Variants in IQGAP3 observed in about 807,000 individuals in gnomAD.
The protein encoded by IQGAP3 is IQ motif containing GTPase activating protein 3, also known as ras GTPase-activating-like protein IQGAP3.
A neutral mutation model predicts 208.2 loss-of-function variants in IQGAP3; 165 were observed. The ratio of observed to expected loss-of-function variants is 0.79; its 90% CI spans 0.70 to 0.90. The LOEUF (loss-of-function observed/expected upper bound fraction) is 0.90, where lower values mean the gene tolerates loss of function less well. Ranked by LOEUF, IQGAP3 falls within the 40% of genes least tolerant of loss-of-function variation. IQGAP3 has a pLI of 0.00. For synonymous variants in IQGAP3, 703 were observed against 803.6 expected, an observed-to-expected ratio of 0.87 and a Z score of 2.12; for missense variants, 1,811 against 2,043.1, an observed-to-expected ratio of 0.89 and a Z score of 2.19.
Position 156,548,563 on chromosome 1 carries a change from T to A in IQGAP3, c.1993+18A>T. ...CTGGGGCAGGCAGCGAAGAGGAGGGTCAGGTTGGGGCCATTACCTGGACGC... is the reference window on the plus strand; with the variant it reads ...CTGGGGCAGGCAGCGAAGAGGAGGGACAGGTTGGGGCCATTACCTGGACGC... On this transcript the variant is annotated intron_variant, in intron 17 of 37. Coordinates refer to ENST00000361170, the MANE Select transcript of IQGAP3 (RefSeq NM_178229.5). 1 of 1,596,340 alleles carries A rather than the reference T, an allele frequency of 6.3e-7. No homozygotes were observed.
intron 18 of IQGAP3, 22 bp downstream of exon 18, chr1:156,548,326 C>A (rs562999653): frequency 6.2e-7 from 1 of 1,611,856 alleles, no homozygotes; most frequent in Non-Finnish European, 8.5e-7. Context: ...AGATCCCCTA[C>A]CCTTGCAGGG....
chr1:156,535,738 G>GC (rs2102370290), intron 27 of IQGAP3, among the ~76,000 whole-genome samples: 1 of 152,298 alleles, frequency 6.6e-6, no homozygotes, highest in South Asian at 2.1e-4. Flanking sequence ...TAGAGGTAGG[G>GC]CCCCAAGGAG....
Position 156,563,538 on chromosome 1 carries a change from G to T in IQGAP3, c.619+15C>A. ...CATTGAGCCTACTCCTGGCAGGGCA[G>T]AGCCTAGTCCTTACCTGCAGCCTCA... On this transcript the variant is annotated intron_variant, in intron 7 of 37. Transcript: ENST00000361170. The T allele has an allele frequency of 6.2e-7, 1 of 1,603,382 alleles. No homozygotes were observed. Among genetic ancestry groups the T allele is most frequent in the South Asian group, 1.1e-5 (1 of 90,246 alleles).
intron 7 of IQGAP3, 32 bp downstream of exon 7, chr1:156,563,521 C>T (rs1197088436): frequency 1.3e-6 from 2 of 1,569,040 alleles, no homozygotes; most frequent in Non-Finnish European, 1.7e-6. Context: ...CGCATTGAGC[C>T]TACTCCTGGC....
At position 156,569,432 on chromosome 1, in the gene IQGAP3, C is replaced by T. The variant is rs764297983; in HGVS notation, c.69G>A (p.Glu23=). 1.1e-5 allele frequency: 17 copies of T among 1,612,654 alleles called. No homozygotes were observed. The highest frequency in any genetic ancestry group is 3.3e-5 in the South Asian group (3 of 90,724). The change falls in exon 2 of 38, where the codon GAG becomes GAA. Residue 23 remains glutamate (E), a synonymous_variant. Transcript: ENST00000361170. ...GATAGGCAACATTCTGCCGCCTCTG[C>T]TCATCCATCTCCTCAGCTGTGAGGC... ...YERLTAEEMD[E]QRRQNVAYQY...
At position 156,533,757 on chromosome 1, in the gene IQGAP3, T is replaced by G; in HGVS notation, c.3976+16A>C. ...AGGTCCCCTAGCTGGCCTCAGCTGCTAAGGAGGGCACGTACCAATAAGGTC... is the reference window on the plus strand; with the variant it reads ...AGGTCCCCTAGCTGGCCTCAGCTGCGAAGGAGGGCACGTACCAATAAGGTC... On this transcript the variant is annotated intron_variant, in intron 31 of 37. Coordinates refer to ENST00000361170, the MANE Select transcript of IQGAP3 (RefSeq NM_178229.5). The G allele has an allele frequency of 6.2e-7, 1 of 1,606,990 alleles. No individual in the cohort carries two copies. The highest frequency in any genetic ancestry group is 1.1e-5 in the South Asian group (1 of 90,626).
At position 156,537,216 on chromosome 1, in the gene IQGAP3, G is replaced by A. The variant is rs1427994267; in HGVS notation, c.3387C>T (p.Phe1129=). The part of the protein sequence containing the change: ...LRNLLAMTDK[F]LLAITSSVDQ... ...CCACAGATGAGGTGATGGCTAAAAG[G>A]AACTTATCAGTCATGGCGAGGAGGT... is the stretch of plus-strand genomic sequence containing the variant. The change falls in exon 27 of 38, where the codon TTC becomes TTT. Residue 1129 remains phenylalanine (F), a synonymous_variant. Coordinates refer to ENST00000361170, the MANE Select transcript of IQGAP3 (RefSeq NM_178229.5). 12 of 1,614,038 alleles carry A rather than the reference G, an allele frequency of 7.4e-6. No homozygotes were observed. Among genetic ancestry groups the A allele is most frequent in the Non-Finnish European group, 9.3e-6 (11 of 1,179,968 alleles).
chr1:156,566,767 C>T (rs1676416490), intron 2 of IQGAP3, among the ~76,000 whole-genome samples: 1 of 152,154 alleles, frequency 6.6e-6, no homozygotes, highest in Admixed American at 6.5e-5. Context: ...TCAGCCCCAC[C>T]CACCCCAGCA....
chr1:156,564,859 A>G (rs1227223885), intron 4 of IQGAP3, among the ~76,000 whole-genome samples, 168 bp from the exon 5 acceptor site: 1 of 152,184 alleles, frequency 6.6e-6, no homozygotes, highest in Non-Finnish European at 1.5e-5. Context: ...TCAGCCTAGT[A>G]TAAAAGAAAT....
In IQGAP3 at chr1:156,539,499, C is replaced by A. The variant is rs920351806; in HGVS notation, c.2931G>T (p.Met977Ile). 5 of 1,614,050 alleles carry A rather than the reference C, an allele frequency of 3.1e-6. No homozygotes were observed. The African/African-American group carries it at 5.3e-5, about 17-fold the overall frequency. ...PIYLAKLIFQ[M>I]PQNKTTKFME... ...TGAACTTGGTGGTTTTGTTCTGTGG[C>A]ATCTGAAAGATCAGCTTGGCCAGGT... Residue 977 changes from methionine to isoleucine, a missense_variant, in exon 25 of 38, where the codon ATG becomes ATT. Transcript: ENST00000361170.
rs1333131305 is a variant in IQGAP3, at chr1:156,562,435, T to A, written c.877+152A>T. 6.0e-6 allele frequency: 4 copies of A among 671,348 alleles called. No homozygotes were observed. The African/African-American group carries it at 7.1e-5, about 12-fold the overall frequency. The allele number at this position is 671,348 out of a possible 1,614,324, so 41.6% of individuals were successfully genotyped here. ...ACCGATGGCCAGAAAGCAGTGCACA[T>A]ACTCCTTGGACTCTGATCTTTCTCC... On this transcript the variant is annotated intron_variant, in intron 9 of 37. Coordinates refer to ENST00000361170, the MANE Select transcript of IQGAP3 (RefSeq NM_178229.5).
chr1:156,552,101 A>G lies in IQGAP3; in HGVS notation c.1449-6T>C, dbSNP rs768312212. On this transcript the variant is annotated splice_region_variant and splice_polypyrimidine_tract_variant and intron_variant, in intron 13 of 37. Coordinates refer to ENST00000361170, the MANE Select transcript of IQGAP3 (RefSeq NM_178229.5). The stretch of plus-strand genomic sequence containing the variant: ...TCAGCAGGGCATCGAAGTAACTGGC[A>G]GTGGGGTGAAGGGCAGAGAGGTGAG... 24 of 1,613,616 alleles carry G rather than the reference A, an allele frequency of 1.5e-5. No homozygotes were observed. Among genetic ancestry groups the G allele is most frequent in the Non-Finnish European group, 1.9e-5 (23 of 1,179,802 alleles).
rs1557944503 is a variant in IQGAP3 at position 156,562,639 on chromosome 1, A to T, written c.825T>A (p.Tyr275Ter). Reference sequence around the variant, plus strand: ...TTTCAGCCTGAGTTAGGTAGTGGTCATAGATGTCCTGGCTTTCTCTGTCAT... The same window carrying T: ...TTTCAGCCTGAGTTAGGTAGTGGTCTTAGATGTCCTGGCTTTCTCTGTCAT... ...NHDDRESQDI[Y>*]DHYLTQAEIQ... The change falls in exon 9 of 38, where the codon TAT becomes TAA. Residue 275 changes from tyrosine (Y) to a stop codon, truncating the protein, a stop_gained. Transcript: ENST00000361170. LOFTEE classifies it high-confidence loss of function. 1 of 1,614,138 alleles carries T rather than the reference A, an allele frequency of 6.2e-7. No homozygotes were observed. Among genetic ancestry groups the T allele is most frequent in the Non-Finnish European group, 8.5e-7 (1 of 1,179,988 alleles).
At position 156,533,873 on chromosome 1, in the gene IQGAP3, C is replaced by T; in HGVS notation, c.3876G>A (p.Leu1292=). 2.5e-6 allele frequency: 4 copies of T among 1,609,422 alleles called. No individual in the cohort carries two copies. Among genetic ancestry groups the T allele is most frequent in the Non-Finnish European group, 3.4e-6 (4 of 1,177,540 alleles). Residue 1292 remains leucine (L), a splice_region_variant and synonymous_variant, in exon 31 of 38, where the codon CTG becomes CTA. Coordinates refer to ENST00000361170, the MANE Select transcript of IQGAP3 (RefSeq NM_178229.5). ...TVGELVNTHR[L]LLEHQDCIAP... ...CAATGCAGTCCTGGTGCTCCAGCAACAGCTGCAGGACGGAGAAAGAAAAGG... is the reference window on the plus strand; with the variant it reads ...CAATGCAGTCCTGGTGCTCCAGCAATAGCTGCAGGACGGAGAAAGAAAAGG...
Position 156,544,164 on chromosome 1 carries a change from G to T in IQGAP3, c.2448C>A (p.Tyr816Ter). ...ARRQYLRRLH[Y>*]FQKNVNSIVK... ...AGGTGACACTCACATTCTTCTGGAA[G>T]TAGTGCAGACGCCTCAGGTATTGCC... The change falls in exon 21 of 38, where the codon TAC becomes TAA. Residue 816 changes from tyrosine to a stop codon, truncating the protein, a stop_gained. Coordinates refer to ENST00000361170, the MANE Select transcript of IQGAP3 (RefSeq NM_178229.5). LOFTEE classifies it high-confidence loss of function. 1 of 1,614,202 alleles carries T rather than the reference G, an allele frequency of 6.2e-7. No homozygotes were observed. Among genetic ancestry groups the T allele is most frequent in the Non-Finnish European group, 8.5e-7 (1 of 1,180,008 alleles).
chr1:156,561,055 C>A, intron 10 of IQGAP3, 34 bp from the exon 11 acceptor site: 2 of 1,478,846 alleles, frequency 1.4e-6, no homozygotes, highest in South Asian at 2.3e-5. Flanking sequence ...AGAATGGAGT[C>A]CTTCCGGGGC....
At chr1:156,563,485 G>A in intron 7 of IQGAP3, 68 bp downstream of exon 7, 1 of 1,407,698 alleles carries the variant, frequency 7.1e-7, no homozygotes, top group East Asian at 2.5e-5. Flanking sequence ...CCATCCAATG[G>A]CTGTGAGGCT....
At chr1:156,536,824 A>G (rs1187800062) in intron 27 of IQGAP3, 1 of 169,708 alleles carries the variant, frequency 5.9e-6, no homozygotes, top group Non-Finnish European at 1.3e-5. Context: ...AGAGAACTAT[A>G]AAGTACTTTA....
At chr1:156,537,892 A>AT (rs201573278) in intron 26 of IQGAP3, among the ~76,000 whole-genome samples, 2,449 of 140,258 alleles carry the variant, frequency 0.017, 54 homozygotes, top group African/African-American at 0.049. Context: ...CTCCCAGCAA[A>AT]TTTTTTTTTT....
Sources: allele counts gnomAD v4.1 joint callset (sites outside exome capture counted in the v4.1 genomes callset), GRCh38; gene constraint gnomAD v4.1.1; transcripts MANE v1.5; gene names NCBI Gene and HGNC (gene_info 2026-07-23, HGNC 2026-07-21).